The following RBFOX3 variants were observed in gnomAD, a reference collection of about 807,000 sequenced individuals.
RBFOX3 encodes the protein RNA binding fox-1 homolog 3, also known as RNA binding protein fox-1 homolog 3.
In RBFOX3, 17 loss-of-function variants were observed where a neutral mutation model predicts 48.7. The ratio of observed to expected loss-of-function variants is 0.35; its 90% CI spans 0.24 to 0.52. The LOEUF (loss-of-function observed/expected upper bound fraction) is 0.52. RBFOX3 is among the 20% of genes least tolerant of loss of function. RBFOX3 has a pLI of 0.94. For missense variants in RBFOX3, 382 were observed against 497.5 expected (o/e 0.77, Z 2.21); for synonymous variants, 212 against 209.5 (o/e 1.01, Z -0.10).
chr17:79,580,046 C>T (rs2093003913), intron 1 of RBFOX3, among the ~76,000 whole-genome samples: 1 of 152,038 alleles, frequency 6.6e-6, no homozygotes, highest in African/African-American at 2.4e-5. Context: ...CGACTGCACT[C>T]AGCTGGTCCC....
intron 1 of RBFOX3, among the ~76,000 whole-genome samples, chr17:79,549,557 A>T (rs1555792977): frequency 6.6e-6 from 1 of 152,254 alleles, no homozygotes; most frequent in Non-Finnish European, 1.5e-5. Flanking sequence ...TGTCTGTGTC[A>T]AAGTGGGGTG....
At chr17:79,261,487 C>G (rs925846676) in intron 3 of RBFOX3, among the ~76,000 whole-genome samples, 1 of 152,256 alleles carries the variant, frequency 6.6e-6, no homozygotes, top group African/African-American at 2.4e-5. Flanking sequence ...CAGGTGGAGG[C>G]GCTGTACTGC....
At chr17:79,540,601 C>T (rs1243134782) in intron 1 of RBFOX3, among the ~76,000 whole-genome samples, 2 of 152,174 alleles carry the variant, frequency 1.3e-5, no homozygotes, top group Admixed American at 6.5e-5. Context: ...CAGAAGGGCC[C>T]GGGCCCTGCT....
intron 2 of RBFOX3, among the ~76,000 whole-genome samples, chr17:79,334,674 C>T (rs1936591114): frequency 6.6e-6 from 1 of 152,242 alleles, no homozygotes. Flanking sequence ...GGTCTGCAGG[C>T]CCAAGACTGA....
At chr17:79,347,585 A>G (rs574441803) in intron 2 of RBFOX3, among the ~76,000 whole-genome samples, 1 of 152,176 alleles carries the variant, frequency 6.6e-6, no homozygotes, top group South Asian at 2.1e-4. Context: ...CTTGGCTGAT[A>G]CATCAAGCTG....
At chr17:79,518,209 TTCTCTC>T (rs1159034681) in intron 1 of RBFOX3, among the ~76,000 whole-genome samples, 4 of 152,188 alleles carry the variant, frequency 2.6e-5, no homozygotes, top group Non-Finnish European at 5.9e-5. Flanking sequence ...GTAGGTTTTT[TTCTCTC>T]TCTCTCCTCT....
intron 3 of RBFOX3, among the ~76,000 whole-genome samples, chr17:79,303,851 C>CTGTGTGTGTGTGTGTG (rs34981785): frequency 6.8e-5 from 10 of 147,876 alleles, no homozygotes; most frequent in African/African-American, 2.0e-4. Flanking sequence ...GCATGTCTGC[C>CTGTGTGTGTGTGTGTG]TGTGTGTGTG....
At chr17:79,258,879 C>A (rs902186792) in intron 3 of RBFOX3, among the ~76,000 whole-genome samples, 1 of 152,232 alleles carries the variant, frequency 6.6e-6, no homozygotes, top group Non-Finnish European at 1.5e-5. Context: ...CTATCACAGT[C>A]CACCTGCCAT....
chr17:79,420,443 G>A (rs899181524), intron 2 of RBFOX3, among the ~76,000 whole-genome samples: 16 of 152,162 alleles, frequency 1.1e-4, no homozygotes, highest in African/African-American at 3.6e-4. Flanking sequence ...GCGGCCCCAG[G>A]GCTGCTGGGC....
intron 1 of RBFOX3, among the ~76,000 whole-genome samples, chr17:79,489,643 T>C (rs1385778689): frequency 6.6e-6 from 1 of 152,228 alleles, no homozygotes; most frequent in African/African-American, 2.4e-5. Flanking sequence ...GTACTAGAGC[T>C]GTGCACCCTC....
At chr17:79,180,866 C>T (rs559825926) in intron 4 of RBFOX3, among the ~76,000 whole-genome samples, 116 of 152,192 alleles carry the variant, frequency 7.6e-4, no homozygotes, top group Non-Finnish European at 1.3e-3. Flanking sequence ...CAGGCTCTGG[C>T]TTTCCCAGGG....
chr17:79,650,741 A>G, the RBFOX3 span, among the ~76,000 whole-genome samples: 2 of 152,074 alleles, frequency 1.3e-5, no homozygotes. Flanking sequence ...ACCGACACTT[A>G]GGAGTCACAG....
At chr17:79,176,341 G>A (rs2050535926) in intron 4 of RBFOX3, among the ~76,000 whole-genome samples, 1 of 152,182 alleles carries the variant, frequency 6.6e-6, no homozygotes, top group South Asian at 2.1e-4. Flanking sequence ...GGGACCCACT[G>A]TCCACAGTTC....
At chr17:79,556,572 A>G (rs979752125) in intron 1 of RBFOX3, among the ~76,000 whole-genome samples, 5,297 of 152,284 alleles carry the variant, frequency 0.035, 163 homozygotes, top group East Asian at 0.17. Flanking sequence ...GGGTGGGGAG[A>G]GGAAATCAAG....
At chr17:79,456,342 G>T (rs781866555) in intron 2 of RBFOX3, among the ~76,000 whole-genome samples, 2 of 152,064 alleles carry the variant, frequency 1.3e-5, no homozygotes, top group Non-Finnish European at 2.9e-5. Context: ...ATCTGGGGCT[G>T]GGTCCTTCTT....
At chr17:79,192,509 G>A (rs1189393474) in intron 4 of RBFOX3, among the ~76,000 whole-genome samples, 2 of 152,210 alleles carry the variant, frequency 1.3e-5, no homozygotes, top group Non-Finnish European at 2.9e-5. Context: ...AAATCGCTCT[G>A]TGGCCCAATT....
Position 79,311,421 on chromosome 17 carries a change from G to A in RBFOX3, c.-174-3597C>T, listed in dbSNP as rs112832423. Among the ~76,000 whole-genome samples, 266 of 129,822 alleles carry A rather than the reference G, an allele frequency of 2.0e-3. 2 individuals carry two copies. The highest frequency in any genetic ancestry group is 7.0e-3 in the African/African-American group (252 of 36,060). 85.2% of individuals were successfully genotyped at this position (129,822 alleles called of 152,430 possible). ...GCACTCCAGCCTGGGTAAGAAGAGC[G>A]AGACTCCATCTCCAAAAAAAAAAAA... On this transcript the variant is annotated intron_variant, in intron 2 of 14. Transcript: ENST00000693108. The surrounding 1 kb of genome is among the most constrained non-coding windows in gnomAD (Gnocchi z 4.2).
rs59694667 is a variant in RBFOX3, at chr17:79,490,720, T to TAGAGAGAGAG, written c.-319-8132_-319-8123dup. ...GGCACCTGTTGAGGGGCCTGCAGTG[T>TAGAGAGAGAG]AGAGAGAGAGAGAGAGAGAGAGAGA... On this transcript the variant is annotated intron_variant, in intron 1 of 14. Coordinates refer to ENST00000693108, the MANE Select transcript of RBFOX3 (RefSeq NM_001350451.2). Among the ~76,000 whole-genome samples the TAGAGAGAGAG allele has an allele frequency of 4.6e-4, 67 of 144,350 alleles. 1 individual carries two copies. Among genetic ancestry groups the TAGAGAGAGAG allele is most frequent in the African/African-American group, 1.4e-3 (56 of 39,128 alleles). 94.7% of individuals were successfully genotyped at this position (144,350 alleles called of 152,430 possible). A position where few individuals can be genotyped will look rare whatever the true frequency, so the allele number is the denominator to read the frequency against.
At chr17:79,469,410 G>A (rs1483242789) in intron 2 of RBFOX3, among the ~76,000 whole-genome samples, 2 of 152,216 alleles carry the variant, frequency 1.3e-5, no homozygotes, top group Non-Finnish European at 2.9e-5. Context: ...CTGAAACAGG[G>A]ATGTGTGTGG....
Sources: allele counts gnomAD v4.1 joint callset (sites outside exome capture counted in the v4.1 genomes callset), GRCh38; gene constraint gnomAD v4.1.1; non-coding constraint Gnocchi (gnomAD v3.1); transcripts MANE v1.5; gene names NCBI Gene and HGNC (gene_info 2026-07-23, HGNC 2026-07-21).